COL5A1: variants seen among roughly 807,000 people sequenced by gnomAD.
The protein encoded by COL5A1 is collagen alpha-1(V) chain.
A neutral mutation model predicts 263.7 loss-of-function variants in COL5A1; 16 were observed. The observed-to-expected ratio is 0.06, with a 90% CI of 0.04 to 0.09. The LOEUF is 0.09. Ranked by LOEUF, COL5A1 falls within the 10% of genes least tolerant of loss-of-function variation. The probability of loss-of-function intolerance (pLI) is 1.00; values close to 1 mark genes in which losing one functional copy is unlikely to be tolerated. For missense variants in COL5A1, 2,036 were observed against 2,540.5 expected (o/e 0.80, Z 4.27); for synonymous variants, 1,012 against 1,004.5 (o/e 1.01, Z -0.14).
At chr9:134,644,519 A>G (rs1197783728) in intron 1 of COL5A1, among the ~76,000 whole-genome samples, 18 of 21,094 alleles carry the variant, frequency 8.5e-4, no homozygotes, top group South Asian at 3.7e-3. Flanking sequence ...CGCTGGGGGG[A>G]GGGGGCGGCT....
At chr9:134,709,582 C>T (rs1196319012) in intron 4 of COL5A1, among the ~76,000 whole-genome samples, 1 of 152,210 alleles carries the variant, frequency 6.6e-6, no homozygotes, top group Admixed American at 6.5e-5. Context: ...TGGCACCCAG[C>T]AAGGAGGGGT....
At chr9:134,730,114 A>C in intron 6 of COL5A1, 122 bp from the exon 7 acceptor site, 1 of 1,441,152 alleles carries the variant, frequency 6.9e-7, no homozygotes, top group Non-Finnish European at 9.6e-7. Flanking sequence ...GGGCCTCTTG[A>C]CAGGCCTGGG....
At position 134,733,510 on chromosome 9, in the gene COL5A1, G is replaced by A. The variant is rs201752105; in HGVS notation, c.1389+1383G>A. 8.2e-4 allele frequency among the ~76,000 whole-genome samples: 125 copies of A among 152,342 alleles called. No individual in the cohort carries two copies. In the East Asian group the frequency reaches 0.013, roughly 16 times the overall value. On this transcript the variant is annotated intron_variant, in intron 9 of 65. Coordinates refer to ENST00000371817, the MANE Select transcript of COL5A1 (RefSeq NM_000093.5). ...ACCCCCTTTCCAGTGCTCTCTGGGG[G>A]TCCAGGGAAGACAGAGCTTGTCTGA... is the stretch of plus-strand genomic sequence containing the variant.
intron 1 of COL5A1, among the ~76,000 whole-genome samples, chr9:134,683,991 C>T (rs1200704066): frequency 6.6e-6 from 1 of 152,194 alleles, no homozygotes; most frequent in East Asian, 1.9e-4. Context: ...ATTCTGAGGA[C>T]ACATCTGCGT....
intron 41 of COL5A1, among the ~76,000 whole-genome samples, chr9:134,805,856 CAT>C (rs1838278577): frequency 6.7e-6 from 1 of 150,330 alleles, no homozygotes; most frequent in Non-Finnish European, 1.5e-5. Flanking sequence ...GCCTCACAGA[CAT>C]GTGGGCCCTG....
chr9:134,784,931 T>G, intron 29 of COL5A1, 58 bp from the exon 30 acceptor site: 16 of 1,357,678 alleles, frequency 1.2e-5, no homozygotes, highest in East Asian at 2.3e-5. Flanking sequence ...AGAATGGTGG[T>G]GGAGAATAGT....
intron 30 of COL5A1, among the ~76,000 whole-genome samples, chr9:134,785,483 C>G (rs372462806): frequency 6.6e-6 from 1 of 152,174 alleles, no homozygotes; most frequent in Non-Finnish European, 1.5e-5. Flanking sequence ...GAAGGAAGGC[C>G]GGGGTCCTTG....
At chr9:134,699,770 A>T (rs1822060761) in intron 2 of COL5A1, 139 bp from the exon 3 acceptor site, 3 of 808,964 alleles carry the variant, frequency 3.7e-6, no homozygotes, top group Admixed American at 3.9e-5. Context: ...CAAGGGGCAG[A>T]TGTGCAGCAG....
At position 134,798,335 on chromosome 9, in the gene COL5A1, C is replaced by T. The variant is rs371353192; in HGVS notation, c.2899-73C>T. 584 of 1,374,364 alleles carry T rather than the reference C, an allele frequency of 4.2e-4. 6 individuals carry two copies. The Middle Eastern group carries it at 0.011, about 26-fold the overall frequency. The allele number at this position is 1,374,364 out of a possible 1,614,324, so 85.1% of individuals were successfully genotyped here. On this transcript the variant is annotated intron_variant, in intron 36 of 65. Transcript: ENST00000371817. ...AGCCATGGAAATAACGGTCACTCCA[C>T]GTGGCATTAATTCTCAAAGGTGGTT...
chr9:134,672,066 G>T (rs925814176), intron 1 of COL5A1, among the ~76,000 whole-genome samples: 5 of 152,220 alleles, frequency 3.3e-5, no homozygotes, highest in African/African-American at 1.2e-4. Context: ...TTTTATAAAG[G>T]CCAGTTAAAA....
intron 4 of COL5A1, among the ~76,000 whole-genome samples, chr9:134,708,231 CG>C (rs1383004270): frequency 1.3e-5 from 2 of 152,094 alleles, no homozygotes; most frequent in African/African-American, 2.4e-5. Flanking sequence ...TCCACCGCCT[CG>C]GGCAGCCCCA....
intron 26 of COL5A1, 108 bp downstream of exon 26, chr9:134,772,942 C>A: frequency 8.6e-7 from 1 of 1,169,058 alleles, no homozygotes; most frequent in Non-Finnish European, 1.3e-6. Context: ...AGGAAGGAGC[C>A]GGGGACACTC....
intron 31 of COL5A1, among the ~76,000 whole-genome samples, chr9:134,788,204 C>T (rs1010001131): frequency 6.4e-5 from 9 of 139,782 alleles, no homozygotes; most frequent in Middle Eastern, 4.7e-3. Flanking sequence ...GTAGGCAAAT[C>T]GATGAATGGG....
At chr9:134,790,411 C>G (rs1837634563) in intron 32 of COL5A1, among the ~76,000 whole-genome samples, 1 of 122,310 alleles carries the variant, frequency 8.2e-6, no homozygotes, top group African/African-American at 3.2e-5. Flanking sequence ...CCCAGCCACC[C>G]AGCCATCCAG....
At chr9:134,721,058 G>A (rs544279895) in intron 4 of COL5A1, among the ~76,000 whole-genome samples, 2 of 152,246 alleles carry the variant, frequency 1.3e-5, no homozygotes, top group Admixed American at 6.5e-5. Context: ...TGCTGGGTAG[G>A]ACACAGTGTG....
In COL5A1 at chr9:134,758,697, C is replaced by G. The variant is rs1478541493; in HGVS notation, c.1935+401C>G. Among the ~76,000 whole-genome samples, 1 of 152,160 alleles carries G rather than the reference C, an allele frequency of 6.6e-6. No individual in the cohort carries two copies. Among genetic ancestry groups the G allele is most frequent in the South Asian group, 2.1e-4 (1 of 4,832 alleles). On this transcript the variant is annotated intron_variant, in intron 18 of 65. Transcript: ENST00000371817. This position sits in a 1 kb window ranked among gnomAD's most constrained non-coding sequence, Gnocchi z 4.1. The stretch of plus-strand genomic sequence containing the variant: ...CTTTGCAATATTAAAGTGGTGGTCC[C>G]AAGGGGGTGGGGACAATCTCAAGTG...
intron 27 of COL5A1, among the ~76,000 whole-genome samples, chr9:134,776,023 C>G (rs533374974): frequency 6.6e-6 from 1 of 152,122 alleles, no homozygotes; most frequent in Non-Finnish European, 1.5e-5. Context: ...ACACTAAAAT[C>G]GAGGCTGCTG....
chr9:134,760,342 C>CG (rs1836313115), intron 18 of COL5A1, among the ~76,000 whole-genome samples: 5 of 98,920 alleles, frequency 5.1e-5, no homozygotes, highest in African/African-American at 1.5e-4. Context: ...TGCACACACA[C>CG]CCCCACACAC....
chr9:134,813,861 C>T, intron 48 of COL5A1, 122 bp from the exon 49 acceptor site: 1 of 1,059,934 alleles, frequency 9.4e-7, no homozygotes, highest in Non-Finnish European at 1.4e-6. Flanking sequence ...CCAGAAACCC[C>T]TGGGTCCTGG....
Sources: gnomAD v4.1 joint callset for allele counts (sites outside exome capture counted in the v4.1 genomes callset) on GRCh38, gnomAD v4.1.1 for gene constraint, Gnocchi (gnomAD v3.1) non-coding constraint, MANE v1.5 for transcripts, NCBI Gene and HGNC (gene_info 2026-07-23, HGNC 2026-07-21) for gene names.